RAB6B: variants seen among roughly 807,000 people sequenced by gnomAD.
RAB6B encodes the protein ras-related protein Rab-6B.
RAB6B carries 7 observed loss-of-function variants against 31.2 expected under a neutral mutation model. The observed-to-expected ratio is 0.22, with a 90% CI of 0.13 to 0.42. The LOEUF (loss-of-function observed/expected upper bound fraction) is 0.42. Among genes scored for constraint, RAB6B ranks in the 10% least tolerant of loss-of-function variants. RAB6B has a pLI of 1.00. For synonymous variants in RAB6B, 105 were observed against 104.9 expected (o/e 1.00, Z -0.01); for missense variants, 149 against 280.6 (o/e 0.53, Z 3.35).
chr3:133,887,059 C>T (rs1230409323), intron 1 of RAB6B, among the ~76,000 whole-genome samples: 1 of 152,108 alleles, frequency 6.6e-6, no homozygotes, highest in Non-Finnish European at 1.5e-5. Flanking sequence ...GGTCTCTAAG[C>T]CCTCCTAGGT....
At chr3:133,855,125 C>G (rs939302672) in intron 2 of RAB6B, among the ~76,000 whole-genome samples, 6 of 152,364 alleles carry the variant, frequency 3.9e-5, no homozygotes, top group African/African-American at 1.4e-4. Context: ...CTCTGCACCA[C>G]TAACCATTAA....
rs749038255 is a variant in RAB6B, at chr3:133,841,250, G to A, written c.289+35C>T. On this transcript the variant is annotated intron_variant, in intron 4 of 7. Coordinates refer to ENST00000285208, the MANE Select transcript of RAB6B (RefSeq NM_016577.4). ...CACACCTGGGCCCTGGACCCCCTAT[G>A]AGCCACCCTCCCTTAGGAGCAGAGC... The A allele has an allele frequency of 1.1e-5, 18 of 1,610,366 alleles. No homozygotes were observed. The East Asian group carries it at 3.6e-4, about 32-fold the overall frequency.
chr3:133,828,608 G>C lies in RAB6B; in HGVS notation c.*180C>G, dbSNP rs1559897364. On this transcript the variant is annotated 3_prime_UTR_variant, in exon 8 of 8. Coordinates refer to ENST00000285208, the MANE Select transcript of RAB6B (RefSeq NM_016577.4). ...TAGTTGTTTAAGTAACAGCCGTTAA[G>C]AGTGATGTGATCCCTGATGCCCAGC... 2.8e-6 allele frequency: 2 copies of C among 704,904 alleles called. No homozygotes were observed. Among genetic ancestry groups the C allele is most frequent in the Non-Finnish European group, 2.5e-6 (1 of 398,320 alleles). 43.7% of individuals were successfully genotyped at this position (704,904 alleles called of 1,614,324 possible).
At chr3:133,884,646 C>T (rs539458850) in intron 1 of RAB6B, among the ~76,000 whole-genome samples, 1 of 152,328 alleles carries the variant, frequency 6.6e-6, no homozygotes, top group South Asian at 2.1e-4. Context: ...AGCTGCATAA[C>T]AGGGCTAGGG....
At chr3:133,892,727 T>TG in intron 1 of RAB6B, among the ~76,000 whole-genome samples, 1 of 152,124 alleles carries the variant, frequency 6.6e-6, no homozygotes, top group South Asian at 2.1e-4. Context: ...AAGTCCCCCA[T>TG]GCACAGAAGA....
At chr3:133,874,949 A>G (rs749239708) in intron 1 of RAB6B, among the ~76,000 whole-genome samples, 2 of 152,172 alleles carry the variant, frequency 1.3e-5, no homozygotes, top group Admixed American at 6.5e-5. Context: ...GGGCAGTAAC[A>G]CACACGGCGC....
Position 133,828,474 on chromosome 3 carries a change from C to A in RAB6B, c.*314G>T. The A allele has an allele frequency of 2.4e-6, 1 of 422,900 alleles. No individual in the cohort carries two copies. The highest frequency in any genetic ancestry group is 4.2e-5 in the Admixed American group (1 of 23,878). 26.2% of individuals were successfully genotyped at this position (422,900 alleles called of 1,614,324 possible). A position where few individuals can be genotyped will look rare whatever the true frequency, so the allele number is the denominator to read the frequency against. On this transcript the variant is annotated 3_prime_UTR_variant, in exon 8 of 8. Coordinates refer to ENST00000285208, the MANE Select transcript of RAB6B (RefSeq NM_016577.4). Reference sequence around the variant, plus strand: ...CACATCTTTCAAATAAAAATGACTACATTTTTATCTGGCAAAAAATTGTAT... The same window carrying A: ...CACATCTTTCAAATAAAAATGACTAAATTTTTATCTGGCAAAAAATTGTAT...
At chr3:133,882,711 C>T (rs563246785) in intron 1 of RAB6B, among the ~76,000 whole-genome samples, 68 of 152,358 alleles carry the variant, frequency 4.5e-4, no homozygotes, top group African/African-American at 1.5e-3. Flanking sequence ...CCAGCAGACA[C>T]AGCTGCCCAG....
rs796523349 is a variant in RAB6B at position 133,868,394 on chromosome 3, C to CTG, written c.71-3753_71-3752insCA. On this transcript the variant is annotated intron_variant, in intron 1 of 7. Coordinates refer to ENST00000285208, the MANE Select transcript of RAB6B (RefSeq NM_016577.4). ...ATGGGGCATCCCAGCAGGCCTGCAG[C>CTG]CTGGCAGGTGGAAGAGCCAGGAGCT... is the stretch of plus-strand genomic sequence containing the variant. Among the ~76,000 whole-genome samples, 7 of 152,146 alleles carry CTG rather than the reference C, an allele frequency of 4.6e-5. 1 individual carries two copies. The highest frequency in any genetic ancestry group is 1.7e-4 in the African/African-American group (7 of 41,500).
chr3:133,829,501 A>G (rs936215906), intron 7 of RAB6B, among the ~76,000 whole-genome samples: 10 of 152,138 alleles, frequency 6.6e-5, no homozygotes, highest in African/African-American at 2.4e-4. Context: ...TGCCTTCCTC[A>G]TCGGGCTCAA....
intron 5 of RAB6B, 51 bp from the exon 6 acceptor site, chr3:133,838,310 G>C (rs1428368177): frequency 1.9e-6 from 3 of 1,550,138 alleles, no homozygotes; most frequent in South Asian, 1.1e-5. Context: ...AGCAGACCCT[G>C]GCAGATATGA....
intron 2 of RAB6B, among the ~76,000 whole-genome samples, chr3:133,850,353 A>C (rs999016923): frequency 1.3e-5 from 2 of 152,234 alleles, no homozygotes; most frequent in African/African-American, 4.8e-5. Flanking sequence ...TCAAGAAAAA[A>C]GAGATTAAAT....
In RAB6B at chr3:133,892,601, G is replaced by T. The variant is rs542050964; in HGVS notation, c.70+2796C>A. On this transcript the variant is annotated intron_variant, in intron 1 of 7. Transcript: ENST00000285208. ...AATGCCACCATTATGCTAGGCACAG[G>T]AAATAAGATAAAGCCACATCCCTCC... Among the ~76,000 whole-genome samples, 7 of 152,276 alleles carry T rather than the reference G, an allele frequency of 4.6e-5. No homozygotes were observed. In the East Asian group the frequency reaches 7.7e-4, roughly 17 times the overall value.
At position 133,827,748 on chromosome 3, in the gene RAB6B, C is replaced by CT; in HGVS notation, c.*1039_*1040insA. 2 of 15,982 alleles carry CT rather than the reference C, an allele frequency of 1.3e-4. No homozygotes were observed. The highest frequency in any genetic ancestry group is 0.01 in the Middle Eastern group (1 of 100). The allele number at this position is 15,982 out of a possible 1,614,324, so 1.0% of individuals were successfully genotyped here. A position where few individuals can be genotyped will look rare whatever the true frequency, so the allele number is the denominator to read the frequency against. On this transcript the variant is annotated 3_prime_UTR_variant, in exon 8 of 8. Transcript: ENST00000285208. ...AAGGTGGTGGTTCTGCAGACAACACCCCCCCCCCCCCCCGCCTCCCCATCA... is the reference window on the plus strand; with the variant it reads ...AAGGTGGTGGTTCTGCAGACAACACCTCCCCCCCCCCCCCGCCTCCCCATCA...
intron 3 of RAB6B, 75 bp downstream of exon 3, chr3:133,841,535 C>A (rs1203568908): frequency 9.6e-6 from 15 of 1,565,964 alleles, no homozygotes; most frequent in Non-Finnish European, 1.2e-5. Context: ...CTCAGTGGTG[C>A]CCAGCTAAGG....
intron 2 of RAB6B, 83 bp from the exon 3 acceptor site, chr3:133,841,746 T>C (rs919561006): frequency 2.1e-6 from 3 of 1,417,504 alleles, no homozygotes; most frequent in Non-Finnish European, 3.0e-6. Context: ...GGTGGTGGCA[T>C]AACCAGCAAG....
At position 133,895,776 on chromosome 3, in the gene RAB6B, G is replaced by GGGCGGAGCGGGGCGCA. The variant is rs1381336740; in HGVS notation, c.-326_-311dup. 3 of 361,560 alleles carry GGGCGGAGCGGGGCGCA rather than the reference G, an allele frequency of 8.3e-6. No individual in the cohort carries two copies. The highest frequency in any genetic ancestry group is 1.5e-5 in the Non-Finnish European group (3 of 203,002). The allele number at this position is 361,560 out of a possible 1,614,324, so 22.4% of individuals were successfully genotyped here. On this transcript the variant is annotated 5_prime_UTR_variant, in exon 1 of 8. Transcript: ENST00000285208. ...AGGCGCGGCGCTGGGAGAGAGGCGC[G>GGGCGGAGCGGGGCGCA]GGCGGAGCGGGGCGCAGGGACGGCG...
chr3:133,842,554 C>T (rs11922139), intron 2 of RAB6B, among the ~76,000 whole-genome samples: 2,038 of 152,306 alleles, frequency 0.013, 19 homozygotes, highest in Non-Finnish European at 0.02. Flanking sequence ...GTGATTAGAA[C>T]CCTTGGCAGC....
chr3:133,829,999 G>A (rs1249662794), intron 7 of RAB6B, among the ~76,000 whole-genome samples: 3 of 152,156 alleles, frequency 2.0e-5, no homozygotes, highest in African/African-American at 7.2e-5. Flanking sequence ...GCCTATAAAT[G>A]AGTAAATAGA....
Sources: allele counts gnomAD v4.1 joint callset (sites outside exome capture counted in the v4.1 genomes callset), GRCh38; gene constraint gnomAD v4.1.1; transcripts MANE v1.5; gene names NCBI Gene and HGNC (gene_info 2026-07-23, HGNC 2026-07-21).